The following DBNL variants were observed in gnomAD, a reference collection of about 807,000 sequenced individuals.
DBNL encodes drebrin-like protein.
A neutral mutation model predicts 62.2 loss-of-function variants in DBNL; 35 were observed. The observed-to-expected ratio is 0.56, with a 90% CI of 0.43 to 0.75. DBNL has a LOEUF of 0.75. Among genes scored for constraint, DBNL ranks in the 30% least tolerant of loss-of-function variants. The pLI, the probability that DBNL is intolerant of heterozygous loss-of-function variation, is 0.00. For missense variants in DBNL, 495 were observed against 578.4 expected, an observed-to-expected ratio of 0.86 and a Z score of 1.48; for synonymous variants, 197 against 218.0, an observed-to-expected ratio of 0.90 and a Z score of 0.85.
intron 1 of DBNL, 172 bp from the exon 2 acceptor site, chr7:44,050,053 T>C (rs1451195070): frequency 3.3e-6 from 2 of 610,586 alleles, no homozygotes; most frequent in Non-Finnish European, 6.0e-6. Context: ...CACAGTTGCC[T>C]ACTGAGAACC....
At chr7:44,051,978 G>C (rs747193428) in intron 3 of DBNL, 36 bp downstream of exon 3, 1 of 1,589,972 alleles carries the variant, frequency 6.3e-7, no homozygotes, top group Non-Finnish European at 8.6e-7. Flanking sequence ...TGTGACCCAG[G>C]AAACCCCATT....
intron 5 of DBNL, among the ~76,000 whole-genome samples, chr7:44,057,323 C>T (rs141179340): frequency 1.6e-3 from 242 of 152,352 alleles, no homozygotes; most frequent in African/African-American, 5.6e-3. Context: ...ACCTGTGGGC[C>T]TGTGGCCCCA....
Position 44,048,037 on chromosome 7 carries a change from G to A in DBNL, c.84-2188G>A, listed in dbSNP as rs568199722. ...GTTCAAGTGATTTTCCTGCCTCAGC[G>A]TCCCAAGTAGCTGGGATTACAGGCA... On this transcript the variant is annotated intron_variant, in intron 1 of 12. Transcript: ENST00000448521. Among the ~76,000 whole-genome samples, 209 of 150,362 alleles carry A rather than the reference G, an allele frequency of 1.4e-3. 1 individual carries two copies. The highest frequency in any genetic ancestry group is 4.9e-3 in the African/African-American group (199 of 40,934).
Position 44,062,907 on chromosome 7 carries a change from C to G in DBNL, c.*1991C>G. 6.2e-7 allele frequency: 1 copy of G among 1,614,200 alleles called. No homozygotes were observed. The highest frequency in any genetic ancestry group is 8.5e-7 in the Non-Finnish European group (1 of 1,180,030). The stretch of plus-strand genomic sequence containing the variant: ...GGGATCCCCGTGGGCAGGTTCAGCT[C>G]CATGATCGCCTGGTCTGACATCCCT... On this transcript the variant is annotated 3_prime_UTR_variant, in exon 13 of 13. Transcript: ENST00000448521.
rs2096154272 is a variant in DBNL at position 44,064,017 on chromosome 7, C to G, written c.*3101C>G. Reference sequence around the variant, plus strand: ...TCCGGGGCCTGCCGGTCTGGGTGCTCTGGCCAACTGCCCAACGGCCCTAGG... The same window carrying G: ...TCCGGGGCCTGCCGGTCTGGGTGCTGTGGCCAACTGCCCAACGGCCCTAGG... On this transcript the variant is annotated 3_prime_UTR_variant, in exon 13 of 13. Transcript: ENST00000448521. 6.6e-6 allele frequency: 1 copy of G among 152,658 alleles called. No homozygotes were observed. Among genetic ancestry groups the G allele is most frequent in the Non-Finnish European group, 1.5e-5 (1 of 68,394 alleles). The allele number at this position is 152,658 out of a possible 1,614,324, so 9.5% of individuals were successfully genotyped here. A position where few individuals can be genotyped will look rare whatever the true frequency, so the allele number is the denominator to read the frequency against.
chr7:44,059,518 G>A lies in DBNL; in HGVS notation c.932-25G>A. The A allele has an allele frequency of 6.2e-7, 1 of 1,613,536 alleles. No homozygotes were observed. The highest frequency in any genetic ancestry group is 8.5e-7 in the Non-Finnish European group (1 of 1,179,776). ...GGAGAAGGGGGATGTGTGGGAGTGAGAACCTGCTGTGTTCCCTGGTGCAGA... is the reference window on the plus strand; with the variant it reads ...GGAGAAGGGGGATGTGTGGGAGTGAAAACCTGCTGTGTTCCCTGGTGCAGA... On this transcript the variant is annotated intron_variant, in intron 10 of 12. Coordinates refer to ENST00000448521, the MANE Select transcript of DBNL (RefSeq NM_001014436.3). This position sits in a 1 kb window ranked among gnomAD's most constrained non-coding sequence, Gnocchi z 4.1.
chr7:44,059,722 G>T lies in DBNL; in HGVS notation c.1047+64G>T. 6.9e-7 allele frequency: 1 copy of T among 1,453,976 alleles called. No homozygotes were observed. The highest frequency in any genetic ancestry group is 9.2e-7 in the Non-Finnish European group (1 of 1,083,642). 90.1% of individuals were successfully genotyped at this position (1,453,976 alleles called of 1,614,324 possible). ...GCATACTCAGGAACACTTATCACGG[G>T]CCGCCTGAGTTTTCTGGGGGCATGC... is the stretch of plus-strand genomic sequence containing the variant. On this transcript the variant is annotated intron_variant, in intron 11 of 12. Coordinates refer to ENST00000448521, the MANE Select transcript of DBNL (RefSeq NM_001014436.3). The surrounding 1 kb of genome is among the most constrained non-coding windows in gnomAD (Gnocchi z 4.1).
chr7:44,051,695 C>T, intron 2 of DBNL, 135 bp from the exon 3 acceptor site: 1 of 718,330 alleles, frequency 1.4e-6, no homozygotes, highest in Non-Finnish European at 2.3e-6. Flanking sequence ...TTTAAACATA[C>T]CCCTAGAAAG....
At position 44,060,476 on chromosome 7, in the gene DBNL, C is replaced by T. The variant is rs1478146981; in HGVS notation, c.1154-301C>T. ...GCCTGGATGCTGGTTCACCAGGCGT[C>T]CCTGGGTGGAGGCCTTGGAGAATGG... On this transcript the variant is annotated intron_variant, in intron 12 of 12. Coordinates refer to ENST00000448521, the MANE Select transcript of DBNL (RefSeq NM_001014436.3). This position sits in a 1 kb window ranked among gnomAD's most constrained non-coding sequence, Gnocchi z 6.3. 6.6e-6 allele frequency among the ~76,000 whole-genome samples: 1 copy of T among 152,058 alleles called. No individual in the cohort carries two copies. The highest frequency in any genetic ancestry group is 2.4e-5 in the African/African-American group (1 of 41,406).
chr7:44,051,931 C>T lies in DBNL; in HGVS notation c.241C>T (p.Leu81Phe). Residue 81 changes from leucine (L) to phenylalanine (F), a missense_variant, in exon 3 of 13, where the codon CTC (leucine) becomes TTC (phenylalanine). Coordinates refer to ENST00000448521, the MANE Select transcript of DBNL (RefSeq NM_001014436.3). Reference protein sequence around the residue: ...DPNSGLPKFVLINWTGEGVND... With the variant: ...DPNSGLPKFVFINWTGEGVND... ...CAACTCTGGACTGCCCAAATTTGTC[C>T]TCATCAACTGGGTATGTGGAGCCTG... The T allele has an allele frequency of 6.2e-7, 1 of 1,614,152 alleles. No homozygotes were observed. The highest frequency in any genetic ancestry group is 8.5e-7 in the Non-Finnish European group (1 of 1,179,992).
rs141421515 is a variant in DBNL, at chr7:44,058,911, G to A, written c.763G>A (p.Val255Met). ...ATGTGCTTCCCTCCAGGAGTCTGCC[G>A]TGCACCCGAGGGAGATTTTCAAGCA... ...SRNRNEQESAVHPREIFKQKE... is the reference protein window; with the variant it reads ...SRNRNEQESAMHPREIFKQKE... Residue 255 changes from valine (V) to methionine (M), a missense_variant, in exon 9 of 13, where the codon GTG becomes ATG. By Grantham distance (21) the Val-to-Met change is conservative. Transcript: ENST00000448521. The A allele has an allele frequency of 1.7e-4, 276 of 1,613,802 alleles. 1 individual carries two copies. In the African/African-American group the frequency reaches 1.8e-3, roughly 11 times the overall value.
In DBNL at chr7:44,062,980, T is replaced by C; in HGVS notation, c.*2064T>C. 1 of 1,587,694 alleles carries C rather than the reference T, an allele frequency of 6.3e-7. No homozygotes were observed. Among genetic ancestry groups the C allele is most frequent in the Non-Finnish European group, 8.6e-7 (1 of 1,156,116 alleles). On this transcript the variant is annotated 3_prime_UTR_variant, in exon 13 of 13. Coordinates refer to ENST00000448521, the MANE Select transcript of DBNL (RefSeq NM_001014436.3). ...TTAGCCCCTCTGTCCCCAGCCTGTTTACACAGCAGACACTATGTGACCTTT... is the reference window on the plus strand; with the variant it reads ...TTAGCCCCTCTGTCCCCAGCCTGTTCACACAGCAGACACTATGTGACCTTT...
In DBNL at chr7:44,060,764, A is replaced by G. The variant is rs2096147298; in HGVS notation, c.1154-13A>G. 1.2e-6 allele frequency: 2 copies of G among 1,612,814 alleles called. No individual in the cohort carries two copies. Among genetic ancestry groups the G allele is most frequent in the African/African-American group, 2.7e-5 (2 of 74,868 alleles). The stretch of plus-strand genomic sequence containing the variant: ...GAGCCCCTGATATGCATCTGGGCTC[A>G]TCCTCTTTGCAGCCGACGACACAGA... On this transcript the variant is annotated splice_polypyrimidine_tract_variant and intron_variant, in intron 12 of 12. Transcript: ENST00000448521. This position sits in a 1 kb window ranked among gnomAD's most constrained non-coding sequence, Gnocchi z 6.3.
chr7:44,058,652 G>A lies in DBNL; in HGVS notation c.753+172G>A, dbSNP rs558989702. ...GGCAGTAGAGAGGAAAGCCAAAGGC[G>A]GAAGCGTCGGGCTTGGACCACACCT... On this transcript the variant is annotated intron_variant, in intron 8 of 12. Transcript: ENST00000448521. The A allele has an allele frequency of 5.9e-5, 57 of 971,234 alleles. No individual in the cohort carries two copies. The African/African-American group carries it at 6.9e-4, about 12-fold the overall frequency. 60.2% of individuals were successfully genotyped at this position (971,234 alleles called of 1,614,324 possible).
In DBNL at chr7:44,064,325, C is replaced by G. The variant is rs2096154926; in HGVS notation, c.*3409C>G. On this transcript the variant is annotated 3_prime_UTR_variant, in exon 13 of 13. Coordinates refer to ENST00000448521, the MANE Select transcript of DBNL (RefSeq NM_001014436.3). ...TCTTTCCTTTGCCCAGAGAGGGGCT[C>G]CAGAGGGAGATAGGTGGTGAAGCTC... is the stretch of plus-strand genomic sequence containing the variant. 1 of 195,224 alleles carries G rather than the reference C, an allele frequency of 5.1e-6. No homozygotes were observed. The highest frequency in any genetic ancestry group is 2.4e-5 in the African/African-American group (1 of 42,268). 12.1% of individuals were successfully genotyped at this position (195,224 alleles called of 1,614,324 possible).
intron 4 of DBNL, 79 bp from the exon 5 acceptor site, chr7:44,056,678 G>A (rs371970100): frequency 1.8e-5 from 29 of 1,580,650 alleles, no homozygotes; most frequent in Admixed American, 3.5e-5. Flanking sequence ...GTAGTGGCCC[G>A]TGCTGTATGG....
In DBNL at chr7:44,044,800, C is replaced by T; in HGVS notation, c.63C>T (p.Thr21=). ...ALQEAYVRVV[T]EKSPTDWALF... is the part of the protein sequence containing the mutation. ...AAGAGGCCTACGTGCGGGTGGTCAC[C>T]GAGAAGTCCCCGACCGACTGGTGGG... The change falls in exon 1 of 13, where the codon ACC becomes ACT. Residue 21 remains threonine (T), a synonymous_variant. Transcript: ENST00000448521. The T allele has an allele frequency of 6.7e-7, 1 of 1,493,214 alleles. No homozygotes were observed. The highest frequency in any genetic ancestry group is 8.9e-7 in the Non-Finnish European group (1 of 1,121,564). The allele number at this position is 1,493,214 out of a possible 1,614,324, so 92.5% of individuals were successfully genotyped here.
chr7:44,044,797 C>A lies in DBNL; in HGVS notation c.60C>A (p.Val20=). 6.7e-7 allele frequency: 1 copy of A among 1,494,932 alleles called. No homozygotes were observed. The allele number at this position is 1,494,932 out of a possible 1,614,324, so 92.6% of individuals were successfully genotyped here. ...TGCAAGAGGCCTACGTGCGGGTGGT[C>A]ACCGAGAAGTCCCCGACCGACTGGT... is the stretch of plus-strand genomic sequence containing the variant. ...PALQEAYVRV[V]TEKSPTDWAL... Residue 20 remains valine, a synonymous_variant, in exon 1 of 13, where the codon GTC becomes GTA. Transcript: ENST00000448521.
chr7:44,061,474 C>CT lies in DBNL; in HGVS notation c.*559dup, dbSNP rs1481911102. On this transcript the variant is annotated 3_prime_UTR_variant, in exon 13 of 13. Coordinates refer to ENST00000448521, the MANE Select transcript of DBNL (RefSeq NM_001014436.3). The stretch of plus-strand genomic sequence containing the variant: ...CTCCCCACTCCATTTCTCTGTCCCT[C>CT]TGCCTGGGCTATGGGAAGTGGGGAT... 1.3e-5 allele frequency: 2 copies of CT among 154,206 alleles called. No homozygotes were observed. The highest frequency in any genetic ancestry group is 2.9e-5 in the Non-Finnish European group (2 of 69,082). 9.6% of individuals were successfully genotyped at this position (154,206 alleles called of 1,614,324 possible).
Sources: allele counts gnomAD v4.1 joint callset (sites outside exome capture counted in the v4.1 genomes callset), GRCh38; gene constraint gnomAD v4.1.1; non-coding constraint Gnocchi (gnomAD v3.1); transcripts MANE v1.5; gene names NCBI Gene and HGNC (gene_info 2026-07-23, HGNC 2026-07-21).